IMMP2L: variants seen among roughly 807,000 people sequenced by gnomAD.
IMMP2L encodes inner mitochondrial membrane peptidase subunit 2.
A neutral mutation model predicts 19.3 loss-of-function variants in IMMP2L; 18 were observed. The ratio of observed to expected loss-of-function variants is 0.93; its 90% CI spans 0.64 to 1.38. The LOEUF (loss-of-function observed/expected upper bound fraction) is 1.38. IMMP2L is among the 40% of genes most tolerant of loss of function. The pLI is 0.00. For missense variants in IMMP2L, 233 were observed against 218.2 expected (o/e 1.07, Z -0.43); for synonymous variants, 76 against 73.0 (o/e 1.04, Z -0.21).
intron 4 of IMMP2L, among the ~76,000 whole-genome samples, chr7:110,887,379 A>G (rs930970430): frequency 6.6e-6 from 1 of 151,280 alleles, no homozygotes; most frequent in Non-Finnish European, 1.5e-5. Context: ...AGAAAAGGCT[A>G]TCTCACGCAG....
chr7:111,328,661 A>G (rs1825574751), intron 3 of IMMP2L, among the ~76,000 whole-genome samples: 1 of 151,832 alleles, frequency 6.6e-6, no homozygotes, highest in Non-Finnish European at 1.5e-5. Context: ...GCTCATGCCC[A>G]TGGGTGGGAT....
intron 2 of IMMP2L, among the ~76,000 whole-genome samples, chr7:111,488,128 G>T (rs1271826397): frequency 1.3e-5 from 2 of 152,152 alleles, no homozygotes; most frequent in Non-Finnish European, 2.9e-5. Context: ...GGCAAGAACA[G>T]GGGGACAAAA....
At chr7:110,996,307 G>A (rs1385444813) in intron 3 of IMMP2L, among the ~76,000 whole-genome samples, 1 of 152,122 alleles carries the variant, frequency 6.6e-6, no homozygotes, top group African/African-American at 2.4e-5. Flanking sequence ...AAAGTGGCCT[G>A]TGGAGGGAAA....
intron 3 of IMMP2L, among the ~76,000 whole-genome samples, chr7:111,413,861 G>C (rs1585007219): frequency 6.6e-6 from 1 of 151,688 alleles, no homozygotes; most frequent in Admixed American, 6.6e-5. Context: ...AGATGAAGGA[G>C]CTTCTCTTTC....
chr7:110,806,549 G>A (rs1801650926), intron 5 of IMMP2L, among the ~76,000 whole-genome samples: 1 of 151,802 alleles, frequency 6.6e-6, no homozygotes, highest in Non-Finnish European at 1.5e-5. Flanking sequence ...TATATGTTAA[G>A]CATGAAAATT....
intron 5 of IMMP2L, among the ~76,000 whole-genome samples, chr7:110,673,262 A>T (rs556317206): frequency 3.9e-5 from 6 of 152,204 alleles, no homozygotes; most frequent in Non-Finnish European, 7.3e-5. Flanking sequence ...CCTTTTAGCC[A>T]TGGCTGAATC....
At chr7:111,016,728 AAAATATATATATTATATATAT>A (rs1825636285) in intron 3 of IMMP2L, among the ~76,000 whole-genome samples, 1 of 97,986 alleles carries the variant, frequency 1.0e-5, no homozygotes, top group Non-Finnish European at 1.8e-5. Context: ...ATTTATATAT[AAAATATATATATTATATATAT>A]TATATAAATA....
intron 3 of IMMP2L, among the ~76,000 whole-genome samples, chr7:111,455,189 T>C (rs1187682266): frequency 1.3e-5 from 2 of 151,844 alleles, no homozygotes; most frequent in Admixed American, 6.6e-5. Context: ...ATGAAATGGA[T>C]AATTGGCCTG....
At chr7:111,387,409 T>C (rs982281134) in intron 3 of IMMP2L, among the ~76,000 whole-genome samples, 75 of 152,270 alleles carry the variant, frequency 4.9e-4, no homozygotes, top group African/African-American at 1.7e-3. Context: ...CACAAAATTA[T>C]TGGACTCAAT....
intron 3 of IMMP2L, among the ~76,000 whole-genome samples, chr7:111,415,610 C>G (rs1055743762): frequency 6.6e-6 from 1 of 151,608 alleles, no homozygotes; most frequent in African/African-American, 2.4e-5. Context: ...ATTTCATAGT[C>G]ATAAAAATTT....
chr7:110,770,454 T>C (rs1798961815), intron 5 of IMMP2L, among the ~76,000 whole-genome samples: 1 of 152,212 alleles, frequency 6.6e-6, no homozygotes, highest in African/African-American at 2.4e-5. Context: ...CATGAACTTT[T>C]CTGAATAAAT....
At chr7:111,502,288 C>A (rs952499270) in intron 2 of IMMP2L, among the ~76,000 whole-genome samples, 12 of 152,114 alleles carry the variant, frequency 7.9e-5, no homozygotes, top group Non-Finnish European at 1.6e-4. Context: ...AATATATATG[C>A]ACCCAATACA....
At chr7:110,987,399 T>C (rs1239495149) in intron 3 of IMMP2L, among the ~76,000 whole-genome samples, 3 of 152,300 alleles carry the variant, frequency 2.0e-5, no homozygotes, top group African/African-American at 2.4e-5. Context: ...GAACCACTTA[T>C]CTCTTTTGAA....
intron 3 of IMMP2L, among the ~76,000 whole-genome samples, chr7:111,302,647 A>G (rs1822395567): frequency 2.0e-5 from 3 of 152,166 alleles, no homozygotes; most frequent in Admixed American, 2.0e-4. Flanking sequence ...CACATCTACT[A>G]AAAGAGCATT....
At chr7:111,361,588 A>G (rs1484623039) in intron 3 of IMMP2L, among the ~76,000 whole-genome samples, 1 of 152,114 alleles carries the variant, frequency 6.6e-6, no homozygotes, top group Non-Finnish European at 1.5e-5. Flanking sequence ...AACTCAACAA[A>G]ACATTTACTT....
chr7:110,960,316 C>G (rs1818800196), intron 4 of IMMP2L, among the ~76,000 whole-genome samples: 1 of 151,862 alleles, frequency 6.6e-6, no homozygotes, highest in African/African-American at 2.4e-5. Flanking sequence ...CATTTTCATA[C>G]TCCCCCAACA....
At chr7:110,797,685 C>T (rs755978775) in intron 5 of IMMP2L, among the ~76,000 whole-genome samples, 8 of 152,102 alleles carry the variant, frequency 5.3e-5, no homozygotes, top group Non-Finnish European at 8.8e-5. Context: ...GAACTGATTA[C>T]TTTATTCACA....
At chr7:110,754,662 C>A (rs1006427751) in intron 5 of IMMP2L, among the ~76,000 whole-genome samples, 2 of 151,964 alleles carry the variant, frequency 1.3e-5, no homozygotes, top group Non-Finnish European at 2.9e-5. Context: ...TAGTATAAAT[C>A]TAATTATAAT....
At chr7:110,922,838 T>TC (rs1475806184) in intron 4 of IMMP2L, among the ~76,000 whole-genome samples, 5 of 152,332 alleles carry the variant, frequency 3.3e-5, no homozygotes, top group African/African-American at 1.2e-4. Context: ...GTAATGTTTT[T>TC]CTCATCAGAT....
Sources: gnomAD v4.1 joint callset for allele counts (sites outside exome capture counted in the v4.1 genomes callset) on GRCh38, gnomAD v4.1.1 for gene constraint, MANE v1.5 for transcripts, NCBI Gene and HGNC (gene_info 2026-07-23, HGNC 2026-07-21) for gene names.